KCNIP4: variants seen among roughly 807,000 people sequenced by gnomAD.
The protein encoded by KCNIP4 is potassium voltage-gated channel interacting protein 4, also known as Kv channel-interacting protein 4.
A neutral mutation model predicts 34.0 loss-of-function variants in KCNIP4; 12 were observed. That is an observed-to-expected ratio of 0.35 (90% CI 0.23 to 0.57). The LOEUF is 0.57. Ranked by LOEUF, KCNIP4 falls within the 20% of genes least tolerant of loss-of-function variation. KCNIP4 has a pLI of 0.83. For missense variants in KCNIP4, 238 were observed against 311.7 expected, an observed-to-expected ratio of 0.76 and a Z score of 1.78; for synonymous variants, 124 against 102.2, an observed-to-expected ratio of 1.21 and a Z score of -1.29.
chr4:21,378,268 C>G (rs950223009), intron 1 of KCNIP4, among the ~76,000 whole-genome samples: 1 of 152,092 alleles, frequency 6.6e-6, no homozygotes, highest in Admixed American at 6.6e-5. Context: ...TATTTCACTG[C>G]CTCTTTAACA....
At chr4:21,422,318 G>A (rs1210362979) in intron 1 of KCNIP4, among the ~76,000 whole-genome samples, 5 of 151,114 alleles carry the variant, frequency 3.3e-5, no homozygotes, top group African/African-American at 4.9e-5. Context: ...CTCCTGCCTC[G>A]GCCTCCTGAG....
intron 2 of KCNIP4, among the ~76,000 whole-genome samples, chr4:20,860,513 T>A (rs909534291): frequency 1.3e-5 from 2 of 152,212 alleles, no homozygotes; most frequent in African/African-American, 4.8e-5. Flanking sequence ...TTATAAATAT[T>A]GTAACTTTAA....
At chr4:20,902,819 T>C (rs973736261) in intron 1 of KCNIP4, among the ~76,000 whole-genome samples, 12 of 152,128 alleles carry the variant, frequency 7.9e-5, no homozygotes, top group African/African-American at 2.7e-4. Context: ...TGTGCCCGGC[T>C]AAGCCTAATA....
intron 1 of KCNIP4, among the ~76,000 whole-genome samples, chr4:21,757,130 A>G (rs1462871111): frequency 3.9e-5 from 1 of 25,512 alleles, no homozygotes; most frequent in Non-Finnish European, 7.2e-5. Flanking sequence ...AAAGAAAGAA[A>G]GAAAGAAAGA....
At chr4:20,998,239 A>T (rs1055874043) in intron 1 of KCNIP4, among the ~76,000 whole-genome samples, 1 of 152,180 alleles carries the variant, frequency 6.6e-6, no homozygotes, top group Non-Finnish European at 1.5e-5. Flanking sequence ...GTTTCATGGG[A>T]GTCAAGAGAA....
At chr4:21,614,716 T>C (rs953597845) in intron 1 of KCNIP4, among the ~76,000 whole-genome samples, 4 of 151,542 alleles carry the variant, frequency 2.6e-5, no homozygotes. Flanking sequence ...ATATGTATAA[T>C]CTAAATCTAA....
chr4:21,926,892 C>T (rs777633979), intron 1 of KCNIP4, among the ~76,000 whole-genome samples: 2 of 152,276 alleles, frequency 1.3e-5, no homozygotes, highest in Admixed American at 6.5e-5. Context: ...TATTCATTCT[C>T]TATTGTTGCT....
chr4:21,677,387 C>T (rs970421984), intron 1 of KCNIP4, among the ~76,000 whole-genome samples: 2 of 152,202 alleles, frequency 1.3e-5, no homozygotes, highest in African/African-American at 4.8e-5. Context: ...AGGTTCCTCA[C>T]TGGCACAGAA....
chr4:21,820,285 GTATATATATATATATATATA>G (rs869204752), intron 1 of KCNIP4, among the ~76,000 whole-genome samples: 18 of 20,656 alleles, frequency 8.7e-4, no homozygotes, highest in Non-Finnish European at 1.3e-3. Flanking sequence ...GTGTGTGTGT[GTATATATATATATATATATA>G]TATATATATA....
At chr4:21,486,683 A>G (rs1042214961) in intron 1 of KCNIP4, among the ~76,000 whole-genome samples, 3 of 152,190 alleles carry the variant, frequency 2.0e-5, no homozygotes, top group Non-Finnish European at 4.4e-5. Context: ...AAAATTTTAG[A>G]ATAGTTTTAT....
At chr4:21,928,108 C>CTATACA (rs1553837530) in intron 1 of KCNIP4, among the ~76,000 whole-genome samples, 1 of 142,756 alleles carries the variant, frequency 7.0e-6, no homozygotes, top group Non-Finnish European at 1.5e-5. Flanking sequence ...CCAGATTAGA[C>CTATACA]TATATATATA....
At chr4:21,027,284 G>A (rs575585359) in intron 1 of KCNIP4, among the ~76,000 whole-genome samples, 1 of 152,242 alleles carries the variant, frequency 6.6e-6, no homozygotes, top group South Asian at 2.1e-4. Context: ...ATTATGGATT[G>A]TCTATGGCTA....
chr4:21,396,621 A>G (rs2109535329), intron 1 of KCNIP4, among the ~76,000 whole-genome samples: 1 of 150,718 alleles, frequency 6.6e-6, no homozygotes, highest in Non-Finnish European at 1.5e-5. Flanking sequence ...TTAGAGAGAT[A>G]GTTCAGGATG....
intron 1 of KCNIP4, among the ~76,000 whole-genome samples, chr4:21,193,564 AT>A (rs1755834719): frequency 7.4e-6 from 1 of 135,602 alleles, no homozygotes; most frequent in African/African-American, 3.2e-5. Context: ...ACTTATTGCA[AT>A]TTTAAATTTT....
At chr4:21,697,532 C>G in intron 1 of KCNIP4, 2 of 1,455,944 alleles carry the variant, frequency 1.4e-6, no homozygotes, top group Non-Finnish European at 1.8e-6. Flanking sequence ...GGAGAAACTT[C>G]TGTCTCAGTT....
At chr4:20,785,095 A>G (rs1212011048) in intron 3 of KCNIP4, among the ~76,000 whole-genome samples, 1 of 152,112 alleles carries the variant, frequency 6.6e-6, no homozygotes, top group Non-Finnish European at 1.5e-5. Flanking sequence ...CCACTCTCCC[A>G]ACACCTGTTT....
At chr4:21,848,664 T>C (rs1724173502) in intron 1 of KCNIP4, 1 of 152,144 alleles carries the variant, frequency 6.6e-6, no homozygotes, top group Non-Finnish European at 1.5e-5. Context: ...AAGGGCCTAA[T>C]TCTCTCAAGA....
intron 1 of KCNIP4, among the ~76,000 whole-genome samples, chr4:21,561,714 G>A (rs574211527): frequency 3.9e-5 from 6 of 152,034 alleles, no homozygotes; most frequent in African/African-American, 1.4e-4. Flanking sequence ...CTTTACTAAG[G>A]AAAGAATGAT....
intron 1 of KCNIP4, among the ~76,000 whole-genome samples, chr4:21,258,792 C>T (rs1162142610): frequency 1.3e-5 from 2 of 152,062 alleles, no homozygotes; most frequent in South Asian, 2.1e-4. Context: ...TTTAGCCTAT[C>T]GTACCCATGA....
Sources: gnomAD v4.1 joint callset for allele counts (sites outside exome capture counted in the v4.1 genomes callset) on GRCh38, gnomAD v4.1.1 for gene constraint, MANE v1.5 for transcripts, NCBI Gene and HGNC (gene_info 2026-07-23, HGNC 2026-07-21) for gene names.